Variants in ACSM3 observed in about 807,000 individuals in gnomAD.
The protein encoded by ACSM3 is acyl-CoA synthetase medium chain family member 3.
A neutral mutation model predicts 74.1 loss-of-function variants in ACSM3; 61 were observed. The ratio of observed to expected loss-of-function variants is 0.82; its 90% confidence interval spans 0.67 to 1.02. The LOEUF is 1.02. Ranked by LOEUF, ACSM3 falls within the 50% of genes least tolerant of loss-of-function variation. The pLI is 0.00. For synonymous variants in ACSM3, 213 were observed against 241.5 expected, an observed-to-expected ratio of 0.88 and a Z score of 1.09; for missense variants, 660 against 697.0, an observed-to-expected ratio of 0.95 and a Z score of 0.60.
chr16:20,775,730 A>T, intron 2 of ACSM3, 109 bp from the exon 3 acceptor site: 1 of 1,073,466 alleles, frequency 9.3e-7, no homozygotes, highest in Non-Finnish European at 1.4e-6. Flanking sequence ...CCATGTTCTA[A>T]CTAATGACTT....
At chr16:20,683,283 A>C (rs2079483371) in intron 1 of ACSM3, among the ~76,000 whole-genome samples, 1 of 151,732 alleles carries the variant, frequency 6.6e-6, no homozygotes, top group Admixed American at 6.6e-5. Context: ...ATGCCCAGCT[A>C]TTTTTTATTA....
chr16:20,747,590 TC>T (rs1362568044), intron 1 of ACSM3, among the ~76,000 whole-genome samples: 1 of 152,228 alleles, frequency 6.6e-6, no homozygotes, highest in African/African-American at 2.4e-5. Flanking sequence ...GTCCCTTAAT[TC>T]CTGCAACAGT....
upstream of ACSM3, among the ~76,000 whole-genome samples, chr16:20,760,997 A>C (rs943888616): frequency 1.3e-5 from 2 of 152,148 alleles, no homozygotes; most frequent in African/African-American, 4.8e-5. Flanking sequence ...CCTTTCAACC[A>C]ATTGCCAATC....
At chr16:20,738,681 G>A (rs368605651) in intron 1 of ACSM3, 4 of 557,096 alleles carry the variant, frequency 7.2e-6, no homozygotes, top group African/African-American at 3.8e-5. Flanking sequence ...ATATACGAAG[G>A]AAGCAGCAAA....
intron 1 of ACSM3, chr16:20,736,673 G>A (rs1433949748): frequency 2.2e-5 from 12 of 553,748 alleles, no homozygotes; most frequent in Non-Finnish European, 3.8e-5. Flanking sequence ...AGCAGCACAT[G>A]GGTCTGCCTC....
intron 1 of ACSM3, among the ~76,000 whole-genome samples, chr16:20,712,369 C>A (rs1033836985): frequency 6.6e-6 from 1 of 152,130 alleles, no homozygotes; most frequent in Non-Finnish European, 1.5e-5. Context: ...ATTGATCTTC[C>A]TATCCTCAGT....
chr16:20,742,569 G>T (rs936276658), intron 1 of ACSM3, among the ~76,000 whole-genome samples: 2 of 151,422 alleles, frequency 1.3e-5, no homozygotes, highest in Non-Finnish European at 2.9e-5. Context: ...CTCGAACTCG[G>T]GAAGCGGCGG....
At chr16:20,727,878 G>A (rs2079812334) in intron 1 of ACSM3, among the ~76,000 whole-genome samples, 2 of 152,158 alleles carry the variant, frequency 1.3e-5, no homozygotes, top group Non-Finnish European at 2.9e-5. Flanking sequence ...AGCATCATCT[G>A]GGAATTTGGT....
chr16:20,764,399 G>A (rs2080103742), intron 1 of ACSM3, among the ~76,000 whole-genome samples: 2 of 152,120 alleles, frequency 1.3e-5, no homozygotes, highest in South Asian at 2.1e-4. Flanking sequence ...CTATGTACAT[G>A]TATTAAGTTG....
intron 1 of ACSM3, chr16:20,736,056 CT>C (rs2079866225): frequency 6.6e-6 from 1 of 152,112 alleles, no homozygotes; most frequent in South Asian, 2.1e-4. Flanking sequence ...AATGAATATC[CT>C]TTCTTGTCAA....
intron 1 of ACSM3, among the ~76,000 whole-genome samples, chr16:20,715,623 C>A (rs1036367234): frequency 6.6e-5 from 10 of 150,862 alleles, no homozygotes; most frequent in East Asian, 3.9e-4. Flanking sequence ...CAAAACAAAA[C>A]AAAAAAAAAT....
chr16:20,785,048 GA>G lies in ACSM3; in HGVS notation c.1089del (p.Lys363AsnfsTer21). The stretch of plus-strand genomic sequence containing the variant: ...GGAACCAATTACCCCTGACGTGACT[GA>G]AAAATGGAGAAACAAGACGGGCCTG... ...AGEPITPDVT[E>X]KWRNKTGLDI... On this transcript the variant is annotated frameshift_variant, in exon 8 of 14. Coordinates refer to ENST00000289416, the MANE Select transcript of ACSM3 (RefSeq NM_005622.4). LOFTEE classifies it high-confidence loss of function. 1 of 1,613,658 alleles carries G rather than the reference GA, an allele frequency of 6.2e-7. No homozygotes were observed. The highest frequency in any genetic ancestry group is 2.2e-5 in the East Asian group (1 of 44,840).
At chr16:20,741,481 G>GGGGGGGGGGGGGCCCCCCCCCCCCC in intron 1 of ACSM3, 2 of 1,308,408 alleles carry the variant, frequency 1.5e-6, no homozygotes, top group Non-Finnish European at 2.0e-6. Context: ...CTGGCAGCCG[G>GGGGGGGGGGGGGCCCCCCCCCCCCC]CCCGCCCGCC....
chr16:20,706,083 A>AGTGT (rs59605164), intron 1 of ACSM3, among the ~76,000 whole-genome samples: 21,956 of 149,632 alleles, frequency 0.15, 1,603 homozygotes, highest in East Asian at 0.21. Flanking sequence ...ATCGTGGAAC[A>AGTGT]GTGTGTGTGT....
At chr16:20,748,633 A>G (rs1397336150) in intron 1 of ACSM3, among the ~76,000 whole-genome samples, 1 of 152,212 alleles carries the variant, frequency 6.6e-6, no homozygotes, top group African/African-American at 2.4e-5. Context: ...GATAATTTTT[A>G]CCAAAAAAGT....
chr16:20,755,589 C>A (rs547054229), exon 3 of ACSM3: 8 of 151,052 alleles, frequency 5.3e-5, no homozygotes, highest in African/African-American at 1.9e-4. Flanking sequence ...GGTACATAGC[C>A]GCTAAAACCC....
At chr16:20,717,205 G>A (rs1355711231) in intron 1 of ACSM3, among the ~76,000 whole-genome samples, 1 of 152,148 alleles carries the variant, frequency 6.6e-6, no homozygotes, top group African/African-American at 2.4e-5. Flanking sequence ...GAAGAAGGCT[G>A]CATCTCTTCC....
At chr16:20,765,871 C>T (rs986634732) in intron 1 of ACSM3, among the ~76,000 whole-genome samples, 2 of 152,306 alleles carry the variant, frequency 1.3e-5, no homozygotes, top group Middle Eastern at 3.4e-3. Flanking sequence ...AGAGAGACCT[C>T]CTAAAAGGTC....
At chr16:20,697,715 G>A (rs1398095488) in intron 1 of ACSM3, 2 of 152,226 alleles carry the variant, frequency 1.3e-5, no homozygotes, top group African/African-American at 4.8e-5. Context: ...TGTAGGTTCA[G>A]TTCTCTCTGA....
Sources: allele counts gnomAD v4.1 joint callset (sites outside exome capture counted in the v4.1 genomes callset), GRCh38; gene constraint gnomAD v4.1.1; transcripts MANE v1.5; gene names NCBI Gene and HGNC (gene_info 2026-07-23, HGNC 2026-07-21).